SGTA: variants seen among roughly 807,000 people sequenced by gnomAD.
SGTA encodes small glutamine rich tetratricopeptide repeat co-chaperone alpha, also known as small glutamine-rich tetratricopeptide repeat-containing protein alpha.
In SGTA, 22 loss-of-function variants were observed where a neutral mutation model predicts 44.3. The observed-to-expected ratio is 0.50, with a 90% CI of 0.36 to 0.71. The LOEUF is 0.71. Among genes scored for constraint, SGTA ranks in the 30% least tolerant of loss-of-function variants. The pLI is 0.00. For synonymous variants in SGTA, 174 were observed against 177.6 expected (o/e 0.98, Z 0.16); for missense variants, 341 against 435.9 (o/e 0.78, Z 1.94).
At chr19:2,775,814 G>T (rs1026708091) in intron 1 of SGTA, among the ~76,000 whole-genome samples, 1 of 152,180 alleles carries the variant, frequency 6.6e-6, no homozygotes, top group Non-Finnish European at 1.5e-5. Context: ...TGAATTTCAC[G>T]GTGTGGGGAT....
At position 2,767,252 on chromosome 19, in the gene SGTA, C is replaced by A; in HGVS notation, c.208-32G>T. ...CCGGAGGCAAAGGCGGCCCGCTGTC[C>A]TCTCCTCCCAACCTGGCACCCTCCG... On this transcript the variant is annotated intron_variant, in intron 3 of 11. Coordinates refer to ENST00000221566, the MANE Select transcript of SGTA (RefSeq NM_003021.4). The surrounding 1 kb of genome is among the most constrained non-coding windows in gnomAD (Gnocchi z 7.3). 2 of 1,544,006 alleles carry A rather than the reference C, an allele frequency of 1.3e-6. No homozygotes were observed. Among genetic ancestry groups the A allele is most frequent in the Non-Finnish European group, 1.8e-6 (2 of 1,130,550 alleles).
At chr19:2,758,791 T>C (rs1013591400) in intron 9 of SGTA, among the ~76,000 whole-genome samples, 1 of 152,130 alleles carries the variant, frequency 6.6e-6, no homozygotes, top group African/African-American at 2.4e-5. Context: ...ACTGGAATAT[T>C]ACTCAGCCAT....
At position 2,765,008 on chromosome 19, in the gene SGTA, C is replaced by T. The variant is rs1402610454; in HGVS notation, c.392+178G>A. 1.3e-5 allele frequency among the ~76,000 whole-genome samples: 2 copies of T among 152,132 alleles called. No homozygotes were observed. The highest frequency in any genetic ancestry group is 2.1e-4 in the South Asian group (1 of 4,822). ...GTGCTACCTGATTTTAAATCAGCATCGACTCTCCCCGACCCCGTTGCTGGT... is the reference window on the plus strand; with the variant it reads ...GTGCTACCTGATTTTAAATCAGCATTGACTCTCCCCGACCCCGTTGCTGGT... On this transcript the variant is annotated intron_variant, in intron 5 of 11. Coordinates refer to ENST00000221566, the MANE Select transcript of SGTA (RefSeq NM_003021.4). This position sits in a 1 kb window ranked among gnomAD's most constrained non-coding sequence, Gnocchi z 5.5.
intron 1 of SGTA, among the ~76,000 whole-genome samples, chr19:2,778,966 G>A (rs557791235): frequency 6.6e-6 from 1 of 152,314 alleles, no homozygotes; most frequent in South Asian, 2.1e-4. Context: ...ATGCAGGTCT[G>A]TCGCCTGTGG....
chr19:2,763,792 G>A lies in SGTA; in HGVS notation c.393-35C>T, dbSNP rs1163697280. ...AAAAGGCAGGGCAGGTCCCTCACTGGCGGCTCTGAGCCCAGCGGGCAGCCC... is the reference window on the plus strand; with the variant it reads ...AAAAGGCAGGGCAGGTCCCTCACTGACGGCTCTGAGCCCAGCGGGCAGCCC... On this transcript the variant is annotated intron_variant, in intron 5 of 11. Transcript: ENST00000221566. This position sits in a 1 kb window ranked among gnomAD's most constrained non-coding sequence, Gnocchi z 5.8. The A allele has an allele frequency of 1.3e-6, 2 of 1,573,452 alleles. No individual in the cohort carries two copies.
intron 1 of SGTA, among the ~76,000 whole-genome samples, chr19:2,775,109 G>A (rs1418360693): frequency 6.6e-6 from 1 of 152,214 alleles, no homozygotes; most frequent in East Asian, 1.9e-4. Context: ...GGTGCACCAG[G>A]CCCTTGACAC....
intron 1 of SGTA, among the ~76,000 whole-genome samples, chr19:2,779,134 G>A (rs1203294766): frequency 1.3e-5 from 2 of 152,166 alleles, no homozygotes; most frequent in Non-Finnish European, 2.9e-5. Context: ...GTAAATCACT[G>A]ATGGCCACTA....
At position 2,765,165 on chromosome 19, in the gene SGTA, G is replaced by A; in HGVS notation, c.392+21C>T. Reference sequence around the variant, plus strand: ...CCCCGCACCCGGCCGCCCCTGCCCTGGGCAGGCCCTGAGCTGGTACCTGTT... The same window carrying A: ...CCCCGCACCCGGCCGCCCCTGCCCTAGGCAGGCCCTGAGCTGGTACCTGTT... On this transcript the variant is annotated intron_variant, in intron 5 of 11. Coordinates refer to ENST00000221566, the MANE Select transcript of SGTA (RefSeq NM_003021.4). The surrounding 1 kb of genome is among the most constrained non-coding windows in gnomAD (Gnocchi z 5.5). The A allele has an allele frequency of 6.3e-7, 1 of 1,599,112 alleles. No individual in the cohort carries two copies. The highest frequency in any genetic ancestry group is 8.6e-7 in the Non-Finnish European group (1 of 1,166,626).
At chr19:2,768,234 A>G (rs1915205111) in intron 2 of SGTA, among the ~76,000 whole-genome samples, 2 of 152,038 alleles carry the variant, frequency 1.3e-5, no homozygotes, top group South Asian at 4.2e-4. Context: ...CCACCGAGCC[A>G]GACAACACTA....
chr19:2,765,113 G>C lies in SGTA; in HGVS notation c.392+73C>G. 1.9e-6 allele frequency: 2 copies of C among 1,037,742 alleles called. No individual in the cohort carries two copies. Among genetic ancestry groups the C allele is most frequent in the East Asian group, 4.8e-5 (2 of 41,860 alleles). 64.3% of individuals were successfully genotyped at this position (1,037,742 alleles called of 1,614,324 possible). Reference sequence around the variant, plus strand: ...AGCGCAGAGGCCTCTCCCATCTCAGGTCCCTGCTAAGCATCCCGGAGGACG... The same window carrying C: ...AGCGCAGAGGCCTCTCCCATCTCAGCTCCCTGCTAAGCATCCCGGAGGACG... On this transcript the variant is annotated intron_variant, in intron 5 of 11. Coordinates refer to ENST00000221566, the MANE Select transcript of SGTA (RefSeq NM_003021.4). This position sits in a 1 kb window ranked among gnomAD's most constrained non-coding sequence, Gnocchi z 5.5.
chr19:2,762,220 C>T (rs1362557344), intron 7 of SGTA, among the ~76,000 whole-genome samples: 9 of 152,196 alleles, frequency 5.9e-5, no homozygotes, highest in African/African-American at 2.2e-4. Context: ...CCGAAGCCTC[C>T]TCACCCGGCC....
chr19:2,756,881 G>A (rs1034945952), intron 11 of SGTA, among the ~76,000 whole-genome samples: 1 of 152,190 alleles, frequency 6.6e-6, no homozygotes, highest in Non-Finnish European at 1.5e-5. Context: ...ACAAAATGCA[G>A]GCAGAACGCT....
chr19:2,768,784 G>C (rs1915219198), intron 2 of SGTA, among the ~76,000 whole-genome samples, 185 bp downstream of exon 2: 1 of 152,248 alleles, frequency 6.6e-6, no homozygotes, highest in South Asian at 2.1e-4. Context: ...GGAGGGCTCA[G>C]CTCGGCCCTG....
In SGTA at chr19:2,755,287, A is replaced by G. The variant is rs537814095; in HGVS notation, c.*653T>C. ...GGAAACATGTCTGTCAACATGCCCAACTGGAGAAAAGTCACAGAAACTGGT... is the reference window on the plus strand; with the variant it reads ...GGAAACATGTCTGTCAACATGCCCAGCTGGAGAAAAGTCACAGAAACTGGT... On this transcript the variant is annotated 3_prime_UTR_variant, in exon 12 of 12. Coordinates refer to ENST00000221566, the MANE Select transcript of SGTA (RefSeq NM_003021.4). The surrounding 1 kb of genome is among the most constrained non-coding windows in gnomAD (Gnocchi z 5.2). 5.0e-5 allele frequency: 22 copies of G among 438,856 alleles called. No homozygotes were observed. The highest frequency in any genetic ancestry group is 4.7e-4 in the African/African-American group (22 of 46,898). The allele number at this position is 438,856 out of a possible 1,614,324, so 27.2% of individuals were successfully genotyped here.
At chr19:2,777,523 G>A (rs1313996072) in intron 1 of SGTA, 1 of 152,200 alleles carries the variant, frequency 6.6e-6, no homozygotes, top group African/African-American at 2.4e-5. Context: ...ATGCACTCCA[G>A]CCTGGGAAAG....
At chr19:2,756,326 G>A (rs1432447664) in intron 11 of SGTA, among the ~76,000 whole-genome samples, 2 of 152,042 alleles carry the variant, frequency 1.3e-5, no homozygotes, top group African/African-American at 4.8e-5. Context: ...TTAAGGTTGG[G>A]CTGAATGCAC....
At chr19:2,774,205 T>A (rs1235673933) in intron 1 of SGTA, among the ~76,000 whole-genome samples, 1 of 152,146 alleles carries the variant, frequency 6.6e-6, no homozygotes, top group Non-Finnish European at 1.5e-5. Flanking sequence ...AGGACGCACC[T>A]CAGTCCTCGT....
chr19:2,757,651 G>A lies in SGTA; in HGVS notation c.827+42C>T, dbSNP rs780560915. On this transcript the variant is annotated intron_variant, in intron 10 of 11. Transcript: ENST00000221566. ...TCCCTTCCGCCTGCGAGCCCTGCCC[G>A]CCGCCCACGTCCTCCGTCCTCTTGG... 9 of 1,489,732 alleles carry A rather than the reference G, an allele frequency of 6.0e-6. No homozygotes were observed. The highest frequency in any genetic ancestry group is 2.4e-5 in the East Asian group (1 of 41,680). 92.3% of individuals were successfully genotyped at this position (1,489,732 alleles called of 1,614,324 possible).
At position 2,767,307 on chromosome 19, in the gene SGTA, G is replaced by A. The variant is rs1336515229; in HGVS notation, c.208-87C>T. On this transcript the variant is annotated intron_variant, in intron 3 of 11. Coordinates refer to ENST00000221566, the MANE Select transcript of SGTA (RefSeq NM_003021.4). The surrounding 1 kb of genome is among the most constrained non-coding windows in gnomAD (Gnocchi z 7.3). ...TAGCTTCCCTCGGGACGCCAGAGAG[G>A]GCCACCAAGTTCCGAAGGACCCGGG... The A allele has an allele frequency of 2.7e-6, 3 of 1,091,214 alleles. No individual in the cohort carries two copies. Among genetic ancestry groups the A allele is most frequent in the African/African-American group, 1.6e-5 (1 of 64,238 alleles). 67.6% of individuals were successfully genotyped at this position (1,091,214 alleles called of 1,614,324 possible).
Sources: gnomAD v4.1 joint callset for allele counts (sites outside exome capture counted in the v4.1 genomes callset) on GRCh38, gnomAD v4.1.1 for gene constraint, Gnocchi (gnomAD v3.1) non-coding constraint, MANE v1.5 for transcripts, NCBI Gene and HGNC (gene_info 2026-07-23, HGNC 2026-07-21) for gene names.